Variants in SLC25A23 observed in about 807,000 individuals in gnomAD.
The protein encoded by SLC25A23 is solute carrier family 25 member 23.
Under a neutral mutation model 53.9 loss-of-function variants are expected in SLC25A23, and 32 were observed. That is an observed-to-expected ratio of 0.59 (90% CI 0.45 to 0.80). The LOEUF (loss-of-function observed/expected upper bound fraction) is 0.80, where lower values mean the gene tolerates loss of function less well. SLC25A23 is among the 30% of genes least tolerant of loss of function. The pLI is 0.00. For missense variants in SLC25A23, 575 were observed against 651.4 expected (o/e 0.88, Z 1.28); for synonymous variants, 275 against 264.5 (o/e 1.04, Z -0.38).
intron 9 of SLC25A23, 70 bp downstream of exon 9, chr19:6,444,081 C>G: frequency 6.9e-7 from 1 of 1,444,344 alleles, no homozygotes. Flanking sequence ...CAGCCCAGGG[C>G]TCTACTTGGG....
At chr19:6,439,691 G>A (rs565643367), downstream of SLC25A23, among the ~76,000 whole-genome samples, 18 of 151,768 alleles carry the variant, frequency 1.2e-4, no homozygotes, top group East Asian at 1.6e-3. Flanking sequence ...TTAGCCGGGC[G>A]TGGTGGTGGG....
rs2092724795 is a variant in SLC25A23 at position 6,459,222 on chromosome 19, A to G, written c.156+251T>C. On this transcript the variant is annotated intron_variant, in intron 1 of 9. Coordinates refer to ENST00000301454, the MANE Select transcript of SLC25A23 (RefSeq NM_024103.3). This position sits in a 1 kb window ranked among gnomAD's most constrained non-coding sequence, Gnocchi z 4.6. ...AAAGCGCCCCCATCTCTTCCCAGGC[A>G]GACGCCCCCTGCCCCGCAGCAGGGG... is the stretch of plus-strand genomic sequence containing the variant. Among the ~76,000 whole-genome samples the G allele has an allele frequency of 2.0e-5, 3 of 152,170 alleles. No homozygotes were observed.
intron 8 of SLC25A23, among the ~76,000 whole-genome samples, chr19:6,449,449 C>T (rs1172276919): frequency 2.0e-5 from 3 of 151,042 alleles, no homozygotes; most frequent in African/African-American, 7.3e-5. Flanking sequence ...GAGTCTTGCT[C>T]TGTCACCCAG....
At chr19:6,453,706 C>T (rs1261577545) in intron 7 of SLC25A23, among the ~76,000 whole-genome samples, 1 of 152,190 alleles carries the variant, frequency 6.6e-6, no homozygotes, top group Non-Finnish European at 1.5e-5. Flanking sequence ...TGGGAACGTG[C>T]ACCCTATCCT....
chr19:6,450,228 C>G (rs74585960), intron 8 of SLC25A23, among the ~76,000 whole-genome samples: 9 of 151,830 alleles, frequency 5.9e-5, no homozygotes, highest in Non-Finnish European at 8.8e-5. Flanking sequence ...TCAGTCCCCC[C>G]CAGACACCTA....
chr19:6,439,075 T>TTAGC (rs2092375017), downstream of SLC25A23, among the ~76,000 whole-genome samples: 1 of 150,038 alleles, frequency 6.7e-6, no homozygotes, highest in African/African-American at 2.5e-5. Context: ...AAACAAAAAG[T>TTAGC]TGGGCATGGT....
chr19:6,452,631 C>T, intron 7 of SLC25A23, 152 bp from the exon 8 acceptor site: 1 of 885,882 alleles, frequency 1.1e-6, no homozygotes, highest in Non-Finnish European at 1.6e-6. Context: ...TCTGCTATCC[C>T]CAAATCCCTA....
chr19:6,441,954 G>T lies in SLC25A23; in HGVS notation c.*21C>A, dbSNP rs780559038. 3.7e-6 allele frequency: 6 copies of T among 1,611,720 alleles called. No homozygotes were observed. The highest frequency in any genetic ancestry group is 1.7e-5 in the Admixed American group (1 of 59,908). On this transcript the variant is annotated 3_prime_UTR_variant, in exon 10 of 10. Coordinates refer to ENST00000301454, the MANE Select transcript of SLC25A23 (RefSeq NM_024103.3). ...CTGAGGTGTGGGGGGTGAGGGATTG[G>T]GGGGACGGGCTCCGGGTCCCTCACC...
At chr19:6,450,625 C>A (rs2092574576) in intron 8 of SLC25A23, among the ~76,000 whole-genome samples, 1 of 152,124 alleles carries the variant, frequency 6.6e-6, no homozygotes, top group African/African-American at 2.4e-5. Flanking sequence ...AATGGAGGAA[C>A]AAATGAATGA....
rs1287250476 is a variant in SLC25A23 at position 6,456,065 on chromosome 19, T to A, written c.483+355A>T. The A allele has an allele frequency of 5.2e-6, 7 of 1,342,556 alleles. No individual in the cohort carries two copies. In the South Asian group the frequency reaches 8.6e-5, roughly 16 times the overall value. The allele number at this position is 1,342,556 out of a possible 1,614,324, so 83.2% of individuals were successfully genotyped here. ...TTCTGTTCAGCCGTAGAATCTTTTATCCAGGCAGAGAACCCAGCAGAAGAG... is the reference window on the plus strand; with the variant it reads ...TTCTGTTCAGCCGTAGAATCTTTTAACCAGGCAGAGAACCCAGCAGAAGAG... On this transcript the variant is annotated intron_variant, in intron 4 of 9. Transcript: ENST00000301454.
Position 6,448,473 on chromosome 19 carries a change from ATT to A in SLC25A23, c.1071+3837_1071+3838del, listed in dbSNP as rs72000629. 9.2e-5 allele frequency among the ~76,000 whole-genome samples: 13 copies of A among 140,804 alleles called. No individual in the cohort carries two copies. The South Asian group carries it at 1.6e-3, about 17-fold the overall frequency. 92.4% of individuals were successfully genotyped at this position (140,804 alleles called of 152,430 possible). On this transcript the variant is annotated intron_variant, in intron 8 of 9. Coordinates refer to ENST00000301454, the MANE Select transcript of SLC25A23 (RefSeq NM_024103.3). ...GGTGGCTCATGCCTGTAATCCCAGC[ATT>A]TTTTTTTTTTTTTGAGATGAAATCT...
intron 8 of SLC25A23, among the ~76,000 whole-genome samples, chr19:6,447,079 T>C (rs1387768082): frequency 6.6e-6 from 1 of 152,190 alleles, no homozygotes; most frequent in East Asian, 1.9e-4. Flanking sequence ...ATGGCTCTGC[T>C]GACACCTTGA....
At chr19:6,444,327 G>T in intron 8 of SLC25A23, 26 bp from the exon 9 acceptor site, 2 of 1,553,758 alleles carry the variant, frequency 1.3e-6, no homozygotes, top group South Asian at 1.2e-5. Context: ...GAGTAGGGAG[G>T]GTTGGGGTGG....
In SLC25A23 at chr19:6,455,403, A is replaced by T. The variant is rs348365; in HGVS notation, c.484-686T>A. On this transcript the variant is annotated intron_variant, in intron 4 of 9. Transcript: ENST00000301454. ...ATCTTACCAGGCACCTCCCCTATAA[A>T]GACCCCAGCAGATCCTTCTCAGGGA... 4.0e-5 allele frequency among the ~76,000 whole-genome samples: 6 copies of T among 151,790 alleles called. No homozygotes were observed. In the South Asian group the frequency reaches 1.0e-3, roughly 26 times the overall value.
At chr19:6,447,215 CCT>C (rs1371300560) in intron 8 of SLC25A23, among the ~76,000 whole-genome samples, 1 of 152,162 alleles carries the variant, frequency 6.6e-6, no homozygotes, top group Non-Finnish European at 1.5e-5. Flanking sequence ...GCATTGACTC[CCT>C]GTCTCATTAC....
chr19:6,458,131 C>A, intron 2 of SLC25A23, 67 bp downstream of exon 2: 1 of 1,575,590 alleles, frequency 6.3e-7, no homozygotes, highest in Non-Finnish European at 8.6e-7. Flanking sequence ...GTTCTAACCC[C>A]ACTGATGTCT....
chr19:6,456,032 T>C lies in SLC25A23; in HGVS notation c.483+388A>G, dbSNP rs1348374203. The C allele has an allele frequency of 1.7e-5, 22 of 1,307,558 alleles. No individual in the cohort carries two copies. In the Admixed American group the frequency reaches 5.0e-4, roughly 30 times the overall value. 81.0% of individuals were successfully genotyped at this position (1,307,558 alleles called of 1,614,324 possible). A position where few individuals can be genotyped will look rare whatever the true frequency, so the allele number is the denominator to read the frequency against. On this transcript the variant is annotated intron_variant, in intron 4 of 9. Transcript: ENST00000301454. ...CTGCGCCTGGCCAAGACCGTGGTTT[T>C]TGAACGATTCTGTTCAGCCGTAGAA...
In SLC25A23 at chr19:6,454,853, G is replaced by T; in HGVS notation, c.484-136C>A. The T allele has an allele frequency of 2.9e-6, 3 of 1,035,626 alleles. No homozygotes were observed. The highest frequency in any genetic ancestry group is 2.8e-6 in the Non-Finnish European group (2 of 720,388). 64.2% of individuals were successfully genotyped at this position (1,035,626 alleles called of 1,614,324 possible). ...CAATGACTCTTGCTTGGAGACCCCAGAAGAGTCCTGTTGGGTCCTACCAGG... is the reference window on the plus strand; with the variant it reads ...CAATGACTCTTGCTTGGAGACCCCATAAGAGTCCTGTTGGGTCCTACCAGG... On this transcript the variant is annotated intron_variant, in intron 4 of 9. Transcript: ENST00000301454. The surrounding 1 kb of genome is among the most constrained non-coding windows in gnomAD (Gnocchi z 4.3).
intron 8 of SLC25A23, among the ~76,000 whole-genome samples, chr19:6,447,934 G>A (rs867445124): frequency 1.2e-4 from 18 of 152,128 alleles, no homozygotes; most frequent in Non-Finnish European, 2.1e-4. Flanking sequence ...CCCTCCCAAA[G>A]TGCTGGGATT....
Sources: gnomAD v4.1 joint callset for allele counts (sites outside exome capture counted in the v4.1 genomes callset) on GRCh38, gnomAD v4.1.1 for gene constraint, Gnocchi (gnomAD v3.1) non-coding constraint, MANE v1.5 for transcripts, NCBI Gene and HGNC (gene_info 2026-07-23, HGNC 2026-07-21) for gene names.